The following ITGAE variants were observed in gnomAD, a reference collection of about 807,000 sequenced individuals.
ITGAE encodes the protein integrin alpha-E.
ITGAE carries 99 observed loss-of-function variants against 136.5 expected under a neutral mutation model. That is an observed-to-expected ratio of 0.73 (90% CI 0.62 to 0.86). ITGAE has a LOEUF of 0.86. Among genes scored for constraint, ITGAE ranks in the 40% least tolerant of loss-of-function variants. The pLI, the probability that ITGAE is intolerant of heterozygous loss-of-function variation, is 0.00. For synonymous variants in ITGAE, 613 were observed against 591.8 expected, an observed-to-expected ratio of 1.04 and a Z score of -0.52; for missense variants, 1,447 against 1,515.3, an observed-to-expected ratio of 0.95 and a Z score of 0.75.
At chr17:3,796,291 G>A (rs1391268535) in intron 1 of ITGAE, among the ~76,000 whole-genome samples, 3 of 151,918 alleles carry the variant, frequency 2.0e-5, no homozygotes, top group South Asian at 2.1e-4. Flanking sequence ...GACTGGACTC[G>A]CCCCAGGCCC....
intron 1 of ITGAE, among the ~76,000 whole-genome samples, chr17:3,786,404 A>T (rs1372760057): frequency 6.6e-6 from 1 of 152,172 alleles, no homozygotes; most frequent in Admixed American, 6.6e-5. Flanking sequence ...AATAATGCCA[A>T]GTTTATATAA....
intron 24 of ITGAE, 200 bp from the exon 25 acceptor site, chr17:3,728,368 CTTTTTTTTT>C (rs569101162): frequency 1.5e-4 from 29 of 191,618 alleles, no homozygotes; most frequent in East Asian, 1.0e-3. Flanking sequence ...ACACTCATCC[CTTTTTTTTT>C]TTTTTTTTTT....
chr17:3,743,144 A>G (rs1354993197), intron 19 of ITGAE, among the ~76,000 whole-genome samples: 1 of 152,186 alleles, frequency 6.6e-6, no homozygotes, highest in Non-Finnish European at 1.5e-5. Flanking sequence ...CCCACAAGGA[A>G]CCCCCATCAC....
At chr17:3,779,357 T>C (rs1375557617) in intron 1 of ITGAE, among the ~76,000 whole-genome samples, 2 of 152,108 alleles carry the variant, frequency 1.3e-5, no homozygotes, top group Non-Finnish European at 2.9e-5. Flanking sequence ...AGATGGGGTC[T>C]TGCTCTGTCG....
Position 3,757,058 on chromosome 17 carries a change from G to A in ITGAE, c.1097C>T (p.Ala366Val). The A allele has an allele frequency of 6.2e-7, 1 of 1,614,194 alleles. No individual in the cohort carries two copies. The highest frequency in any genetic ancestry group is 8.5e-7 in the Non-Finnish European group (1 of 1,180,022). The change falls in exon 10 of 31, where the codon GCT becomes GTT. Residue 366 changes from alanine (A) to valine (V), a missense_variant. By Grantham distance (64) the Ala-to-Val change is moderately conservative (BLOSUM62 0). Coordinates refer to ENST00000263087, the MANE Select transcript of ITGAE (RefSeq NM_002208.5). The stretch of plus-strand genomic sequence containing the variant: ...CGCCATGTAGTTGGTCACCTTGAAA[G>A]CATGGGTCTCATCCGGGTCTGAGGC... ...LIASDPDETHAFKVTNYMALD... is the reference protein window; with the variant it reads ...LIASDPDETHVFKVTNYMALD...
At chr17:3,796,254 C>T (rs144869612) in intron 1 of ITGAE, among the ~76,000 whole-genome samples, 2,743 of 151,700 alleles carry the variant, frequency 0.018, 63 homozygotes, top group Admixed American at 0.065. Context: ...CCCAGGTCTG[C>T]CAGGCCTGGC....
At chr17:3,723,468 T>C in intron 27 of ITGAE, 85 bp from the exon 28 acceptor site, 1 of 1,107,432 alleles carries the variant, frequency 9.0e-7, no homozygotes, top group South Asian at 1.2e-5. Flanking sequence ...CAGAGCATCG[T>C]AAGGTCCCAG....
At chr17:3,790,056 G>A (rs1294365720) in intron 1 of ITGAE, among the ~76,000 whole-genome samples, 4 of 152,064 alleles carry the variant, frequency 2.6e-5, no homozygotes. Flanking sequence ...GCATCCCTAG[G>A]AGTGGGCCTC....
At chr17:3,785,330 A>G (rs35400007) in intron 1 of ITGAE, among the ~76,000 whole-genome samples, 16,181 of 151,936 alleles carry the variant, frequency 0.11, 1,120 homozygotes, top group East Asian at 0.18. Flanking sequence ...TCAGGCAGGC[A>G]TGCTGACAGC....
In ITGAE at chr17:3,718,675, A is replaced by G. The variant is rs7214594; in HGVS notation, c.3333+1632T>C. Among the ~76,000 whole-genome samples the G allele has an allele frequency of 4.4e-3, 666 of 152,358 alleles. 8 individuals are homozygous for G. The highest frequency in any genetic ancestry group is 0.015 in the African/African-American group (644 of 41,586). On this transcript the variant is annotated intron_variant, in intron 29 of 30. Coordinates refer to ENST00000263087, the MANE Select transcript of ITGAE (RefSeq NM_002208.5). ...AATTTTGGGGAATCCATGCTATAGAAATAAAAGTATCAGTAAGTAAGAGGG... is the reference window on the plus strand; with the variant it reads ...AATTTTGGGGAATCCATGCTATAGAGATAAAAGTATCAGTAAGTAAGAGGG...
chr17:3,731,698 C>A (rs538738405), intron 22 of ITGAE, among the ~76,000 whole-genome samples: 3 of 152,116 alleles, frequency 2.0e-5, no homozygotes, highest in Non-Finnish European at 4.4e-5. Flanking sequence ...CAGGCGGCCT[C>A]ATTCCCCTTT....
intron 1 of ITGAE, among the ~76,000 whole-genome samples, chr17:3,789,996 AC>A (rs1418811649): frequency 1.3e-5 from 2 of 152,176 alleles, no homozygotes; most frequent in Non-Finnish European, 2.9e-5. Context: ...AGTCTGATAG[AC>A]TAACTTTACA....
intron 2 of ITGAE, among the ~76,000 whole-genome samples, chr17:3,773,805 G>A (rs1411184071): frequency 6.6e-6 from 1 of 152,112 alleles, no homozygotes; most frequent in African/African-American, 2.4e-5. Context: ...TCTCTCCAGT[G>A]ACCAGCCCCC....
chr17:3,725,620 T>C, intron 26 of ITGAE: 1 of 1,613,310 alleles, frequency 6.2e-7, no homozygotes, highest in Non-Finnish European at 8.5e-7. Context: ...CTGAACTCAG[T>C]GCACTGTGTC....
chr17:3,720,526 G>A lies in ITGAE; in HGVS notation c.3238-124C>T, dbSNP rs543473370. On this transcript the variant is annotated intron_variant, in intron 28 of 30. Coordinates refer to ENST00000263087, the MANE Select transcript of ITGAE (RefSeq NM_002208.5). ...CCTGGGCTTAGTTAATGGCCCTAAC[G>A]TACACAACACTACATAAAGTTACCC... is the stretch of plus-strand genomic sequence containing the variant. 179 of 591,344 alleles carry A rather than the reference G, an allele frequency of 3.0e-4. 2 individuals carry two copies. The South Asian group carries it at 3.4e-3, about 11-fold the overall frequency. The allele number at this position is 591,344 out of a possible 1,614,324, so 36.6% of individuals were successfully genotyped here.
intron 1 of ITGAE, among the ~76,000 whole-genome samples, chr17:3,786,693 T>C (rs2052805950): frequency 6.6e-6 from 1 of 151,990 alleles, no homozygotes; most frequent in Non-Finnish European, 1.5e-5. Flanking sequence ...AGATTGAGAC[T>C]ATCCTGGCCA....
At chr17:3,720,431 A>T in intron 28 of ITGAE, 29 bp from the exon 29 acceptor site, 1 of 1,012,634 alleles carries the variant, frequency 9.9e-7, no homozygotes, top group Non-Finnish European at 1.6e-6. Context: ...AATGAGGGAA[A>T]CAAAACATAT....
Position 3,727,870 on chromosome 17 carries a change from T to C in ITGAE, c.3084+49A>G, listed in dbSNP as rs1407642573. ...TCTGGTTTTTATACTTGAGACTCTG[T>C]AGTCACTGTGGAAAGAGGTGTGACT... On this transcript the variant is annotated intron_variant, in intron 26 of 30. Transcript: ENST00000263087. The C allele has an allele frequency of 3.6e-6, 4 of 1,112,698 alleles. 1 individual carries two copies. The South Asian group carries it at 4.9e-5, about 14-fold the overall frequency. 68.9% of individuals were successfully genotyped at this position (1,112,698 alleles called of 1,614,324 possible).
At chr17:3,789,376 C>T (rs1248661504) in intron 1 of ITGAE, among the ~76,000 whole-genome samples, 1 of 152,166 alleles carries the variant, frequency 6.6e-6, no homozygotes, top group Non-Finnish European at 1.5e-5. Context: ...AAGTGCATTT[C>T]AGGGCCATCA....
Sources: allele counts gnomAD v4.1 joint callset (sites outside exome capture counted in the v4.1 genomes callset), GRCh38; gene constraint gnomAD v4.1.1; transcripts MANE v1.5; gene names NCBI Gene and HGNC (gene_info 2026-07-23, HGNC 2026-07-21).